NTRK3: variants seen among roughly 807,000 people sequenced by gnomAD.
NTRK3 encodes neurotrophic receptor tyrosine kinase 3, also known as NT-3 growth factor receptor.
In NTRK3, 24 loss-of-function variants were observed where a neutral mutation model predicts 91.7. That is an observed-to-expected ratio of 0.26 (90% CI 0.19 to 0.37). NTRK3 has a LOEUF of 0.37. Among genes scored for constraint, NTRK3 ranks in the 10% least tolerant of loss-of-function variants. The pLI is 1.00. For missense variants in NTRK3, 880 were observed against 1,068.9 expected, an observed-to-expected ratio of 0.82 and a Z score of 2.46; for synonymous variants, 483 against 404.0, an observed-to-expected ratio of 1.20 and a Z score of -2.34.
chr15:88,241,762 A>G lies in NTRK3; in HGVS notation c.248+14144T>C, dbSNP rs1458502101. Among the ~76,000 whole-genome samples, 1 of 152,156 alleles carries G rather than the reference A, an allele frequency of 6.6e-6. No homozygotes were observed. The highest frequency in any genetic ancestry group is 1.5e-5 in the Non-Finnish European group (1 of 68,030). ...TGGGGAGAAGGGCTGCCCTATATCCACAGCCCTCTGACTTTTCTGCCGAGA... is the reference window on the plus strand; with the variant it reads ...TGGGGAGAAGGGCTGCCCTATATCCGCAGCCCTCTGACTTTTCTGCCGAGA... On this transcript the variant is annotated intron_variant, in intron 3 of 18. Transcript: ENST00000394480. The surrounding 1 kb of genome is among the most constrained non-coding windows in gnomAD (Gnocchi z 4.3).
chr15:87,919,865 T>C (rs982172796), intron 17 of NTRK3, among the ~76,000 whole-genome samples: 5 of 152,184 alleles, frequency 3.3e-5, no homozygotes, highest in African/African-American at 4.8e-5. Flanking sequence ...GGAAGAGCTA[T>C]GGTCTAGGGT....
intron 13 of NTRK3, among the ~76,000 whole-genome samples, chr15:88,043,340 G>C (rs374749620): frequency 1.3e-5 from 2 of 152,208 alleles, no homozygotes; most frequent in Admixed American, 6.5e-5. Context: ...CCCATGAAGA[G>C]ATCATAGTTC....
intron 17 of NTRK3, among the ~76,000 whole-genome samples, chr15:87,902,855 G>T (rs551113551): frequency 3.9e-5 from 6 of 152,046 alleles, no homozygotes; most frequent in African/African-American, 1.4e-4. Context: ...TGTAAAAACC[G>T]ACATGCCCAG....
At chr15:88,140,576 C>G (rs1235811294) in intron 6 of NTRK3, among the ~76,000 whole-genome samples, 2 of 152,192 alleles carry the variant, frequency 1.3e-5, no homozygotes. Context: ...CTATCAGTAT[C>G]TACCAATTAG....
At chr15:88,150,296 C>T (rs1391483649) in intron 5 of NTRK3, among the ~76,000 whole-genome samples, 2 of 152,182 alleles carry the variant, frequency 1.3e-5, no homozygotes, top group Admixed American at 6.5e-5. Flanking sequence ...AGCAGGCTGC[C>T]AGCGATGTCC....
At chr15:87,880,196 A>G (rs2065166282) in intron 18 of NTRK3, 74 bp downstream of exon 19, 1 of 1,584,006 alleles carries the variant, frequency 6.3e-7, no homozygotes, top group Non-Finnish European at 8.7e-7. Flanking sequence ...CTTGTTCAGT[A>G]GGTCCAAGTT....
intron 14 of NTRK3, among the ~76,000 whole-genome samples, chr15:87,946,430 C>T (rs1015173261): frequency 5.9e-5 from 9 of 152,224 alleles, no homozygotes; most frequent in African/African-American, 2.2e-4. Context: ...TGTGTGCACT[C>T]AGTCACACTC....
intron 5 of NTRK3, among the ~76,000 whole-genome samples, chr15:88,162,792 T>C (rs1467735634): frequency 6.6e-6 from 1 of 152,196 alleles, no homozygotes; most frequent in Non-Finnish European, 1.5e-5. Context: ...TCCTCCTCTT[T>C]CTCCAGCTTC....
At chr15:88,045,167 G>C (rs2080061769) in intron 13 of NTRK3, among the ~76,000 whole-genome samples, 1 of 152,192 alleles carries the variant, frequency 6.6e-6, no homozygotes, top group African/African-American at 2.4e-5. Context: ...CTGTGTCTGT[G>C]GCAAGGATAT....
intron 14 of NTRK3, among the ~76,000 whole-genome samples, chr15:87,963,312 A>T (rs1408082284): frequency 2.0e-5 from 3 of 152,186 alleles, no homozygotes; most frequent in Non-Finnish European, 4.4e-5. Context: ...GGAAAAATAA[A>T]ACAATCCAAG....
chr15:88,086,518 T>TTTTTTTTTTTTTGAGACGG (rs1567368944), intron 13 of NTRK3, among the ~76,000 whole-genome samples: 2 of 144,490 alleles, frequency 1.4e-5, no homozygotes, highest in African/African-American at 5.8e-5. Context: ...TTTTATTTTT[T>TTTTTTTTTTTTTGAGACGG]AAAAACATGG....
chr15:88,158,765 G>T (rs2044157035), intron 5 of NTRK3, among the ~76,000 whole-genome samples: 1 of 151,392 alleles, frequency 6.6e-6, no homozygotes, highest in Admixed American at 6.6e-5. Context: ...TTTCACCCGG[G>T]ATCCACCACC....
At chr15:88,023,386 C>A (rs10520672) in intron 14 of NTRK3, among the ~76,000 whole-genome samples, 17 of 152,014 alleles carry the variant, frequency 1.1e-4, no homozygotes, top group Non-Finnish European at 1.8e-4. Context: ...GTTATTCTAA[C>A]TGAATCTGAA....
At chr15:87,914,444 C>T (rs1205582982) in intron 17 of NTRK3, among the ~76,000 whole-genome samples, 1 of 152,098 alleles carries the variant, frequency 6.6e-6, no homozygotes, top group Non-Finnish European at 1.5e-5. Context: ...CCACTGGTGC[C>T]CAGTGAGTGG....
At chr15:87,936,601 T>C (rs899917137) in intron 15 of NTRK3, among the ~76,000 whole-genome samples, 1 of 151,914 alleles carries the variant, frequency 6.6e-6, no homozygotes, top group African/African-American at 2.4e-5. Flanking sequence ...ATTTCATTAA[T>C]ATCCTGAAAT....
chr15:88,229,594 G>T (rs1015221183), intron 3 of NTRK3, among the ~76,000 whole-genome samples: 1 of 152,198 alleles, frequency 6.6e-6, no homozygotes, highest in African/African-American at 2.4e-5. Context: ...AGAAGAGCCT[G>T]CCAGTTAACT....
chr15:88,076,987 G>A (rs567235557), intron 13 of NTRK3, among the ~76,000 whole-genome samples: 6 of 152,110 alleles, frequency 3.9e-5, no homozygotes, highest in East Asian at 3.9e-4. Context: ...CCCAGTACTC[G>A]GGAGGCTGAG....
chr15:87,943,808 C>A (rs909907314), intron 14 of NTRK3, among the ~76,000 whole-genome samples: 22 of 152,050 alleles, frequency 1.4e-4, no homozygotes, highest in Non-Finnish European at 2.8e-4. Flanking sequence ...CAGCTGCAAA[C>A]CCCTGGTTGC....
intron 13 of NTRK3, among the ~76,000 whole-genome samples, chr15:88,113,376 CGTG>C (rs563739208): frequency 0.027 from 3,583 of 132,788 alleles, 50 homozygotes; most frequent in Non-Finnish European, 0.041. Context: ...AGTGCAGTGG[CGTG>C]ATCTTGGCTC....
Sources: allele counts gnomAD v4.1 joint callset (sites outside exome capture counted in the v4.1 genomes callset), GRCh38; gene constraint gnomAD v4.1.1; non-coding constraint Gnocchi (gnomAD v3.1); transcripts MANE v1.5; gene names NCBI Gene and HGNC (gene_info 2026-07-23, HGNC 2026-07-21).